The following ERAP1 variants were observed in gnomAD, a reference collection of about 807,000 sequenced individuals.
The protein encoded by ERAP1 is endoplasmic reticulum aminopeptidase 1.
A neutral mutation model predicts 103.7 loss-of-function variants in ERAP1; 86 were observed. The ratio of observed to expected loss-of-function variants is 0.83; its 90% confidence interval spans 0.70 to 0.99. The LOEUF (loss-of-function observed/expected upper bound fraction) is 0.99, where lower values mean the gene tolerates loss of function less well. Ranked by LOEUF, ERAP1 falls within the 50% of genes least tolerant of loss-of-function variation. The probability of loss-of-function intolerance (pLI) is 0.00; values close to 1 mark genes in which losing one functional copy is unlikely to be tolerated. For synonymous variants in ERAP1, 398 were observed against 402.4 expected, an observed-to-expected ratio of 0.99 and a Z score of 0.13; for missense variants, 1,009 against 1,128.4, an observed-to-expected ratio of 0.89 and a Z score of 1.52.
At chr5:96,811,125 C>T (rs1406220490), upstream of ERAP1, among the ~76,000 whole-genome samples, 2 of 152,058 alleles carry the variant, frequency 1.3e-5, no homozygotes, top group African/African-American at 4.8e-5. Context: ...AATAATAATG[C>T]CCCTCATTCT....
At chr5:96,791,537 C>G (rs571726867) in intron 8 of ERAP1, among the ~76,000 whole-genome samples, 1 of 152,182 alleles carries the variant, frequency 6.6e-6, no homozygotes, top group Non-Finnish European at 1.5e-5. Context: ...TTAGCTCCAG[C>G]TTATGCTGCA....
chr5:96,884,419 A>C, the ERAP1 span, among the ~76,000 whole-genome samples: 1 of 152,250 alleles, frequency 6.6e-6, no homozygotes, highest in Non-Finnish European at 1.5e-5. Context: ...CAAGGACCTC[A>C]GGGACCCTGC....
the ERAP1 span, among the ~76,000 whole-genome samples, chr5:96,819,777 C>G: frequency 6.6e-6 from 1 of 152,060 alleles, no homozygotes; most frequent in African/African-American, 2.4e-5. Context: ...TTCCAAGCAC[C>G]CTGCATATTC....
chr5:96,791,675 T>G (rs1051688013), intron 8 of ERAP1, among the ~76,000 whole-genome samples: 1 of 152,214 alleles, frequency 6.6e-6, no homozygotes, highest in Non-Finnish European at 1.5e-5. Context: ...AAGCACACTG[T>G]GCAAGACAAT....
At chr5:96,822,879 C>G in the ERAP1 span, 3 of 327,402 alleles carry the variant, frequency 9.2e-6, no homozygotes, top group South Asian at 2.4e-5. Flanking sequence ...TTATATGGGT[C>G]GTCTCCTTAG....
At chr5:96,912,819 A>T in the ERAP1 span, 1 of 1,574,442 alleles carries the variant, frequency 6.4e-7, no homozygotes, top group African/African-American at 1.4e-5. Flanking sequence ...TAATTTAACT[A>T]AATTGTTATA....
chr5:96,887,341 G>C, the ERAP1 span, among the ~76,000 whole-genome samples: 81,024 of 147,882 alleles, frequency 0.55, 22,272 homozygotes, highest in Admixed American at 0.6. Context: ...CACTCTGTTG[G>C]CCAGGCTGGA....
At position 96,780,502 on chromosome 5, in the gene ERAP1, A is replaced by T. The variant is rs1057403822; in HGVS notation, c.2591T>A (p.Phe864Tyr). 2 of 1,611,214 alleles carry T rather than the reference A, an allele frequency of 1.2e-6. No individual in the cohort carries two copies. The highest frequency in any genetic ancestry group is 3.3e-5 in the Admixed American group (2 of 60,014). ...GGCTATGGAAGATGAGCCAAGTTCA[A>T]ACCTAGAGAGGGAAATATTCAAAAA... The part of the protein sequence containing the change: ...RKNWNKLVQK[F>Y]ELGSSSIAHM... The change falls in exon 18 of 19, where the codon TTT (phenylalanine) becomes TAT (tyrosine). Residue 864 changes from phenylalanine to tyrosine, a missense_variant and splice_region_variant. This residue lies in a region of ERAP1 where 611 missense variants were observed against 651.7 expected (regional missense o/e 0.94). Transcript: ENST00000443439.
At chr5:96,820,277 A>G in the ERAP1 span, among the ~76,000 whole-genome samples, 1 of 152,140 alleles carries the variant, frequency 6.6e-6, no homozygotes, top group South Asian at 2.1e-4. Flanking sequence ...AGCAAACAAC[A>G]TAGCTTAAAA....
the ERAP1 span, chr5:96,900,217 AAG>A: frequency 6.2e-7 from 1 of 1,612,890 alleles, no homozygotes; most frequent in Non-Finnish European, 8.5e-7. Flanking sequence ...CACAGAGTAG[AAG>A]AGATCTGTGG....
chr5:96,932,804 C>T, the ERAP1 span, among the ~76,000 whole-genome samples: 5 of 151,868 alleles, frequency 3.3e-5, no homozygotes, highest in Non-Finnish European at 7.4e-5. Flanking sequence ...TATTTTTTTC[C>T]TGTCATGCTA....
the ERAP1 span, among the ~76,000 whole-genome samples, chr5:96,819,334 AGCT>A: frequency 6.6e-6 from 1 of 152,232 alleles, no homozygotes; most frequent in South Asian, 2.1e-4. Context: ...CCTCATGGAC[AGCT>A]GCTACCACCA....
the ERAP1 span, among the ~76,000 whole-genome samples, chr5:96,845,596 T>C: frequency 6.6e-6 from 1 of 152,224 alleles, no homozygotes; most frequent in South Asian, 2.1e-4. Context: ...GTTCTTTTGT[T>C]TGACTAATTT....
exon 20 of ERAP1, chr5:96,762,284 ATGCTAAACTTGC>A (rs772181166): frequency 2.2e-5 from 35 of 1,604,864 alleles, no homozygotes; most frequent in Non-Finnish European, 2.9e-5. Flanking sequence ...AAATTTGAAG[ATGCTAAACTTGC>A]TGCTGCCATC....
chr5:96,830,416 T>A, the ERAP1 span, among the ~76,000 whole-genome samples: 1 of 152,166 alleles, frequency 6.6e-6, no homozygotes, highest in Non-Finnish European at 1.5e-5. Flanking sequence ...TGTAGCATGG[T>A]GCACCAGGGA....
chr5:96,890,470 A>G, the ERAP1 span, among the ~76,000 whole-genome samples: 1 of 152,120 alleles, frequency 6.6e-6, no homozygotes, highest in Non-Finnish European at 1.5e-5. Flanking sequence ...TAGGCCATTG[A>G]CAGGTACTGG....
chr5:96,765,300 A>C (rs1210262139), intron 19 of ERAP1: 1 of 1,544,082 alleles, frequency 6.5e-7, no homozygotes, highest in Admixed American at 1.7e-5. Flanking sequence ...CCAGATGAGA[A>C]CAAACCAATG....
At chr5:96,889,305 G>A in the ERAP1 span, 1 of 1,613,786 alleles carries the variant, frequency 6.2e-7, no homozygotes, top group Admixed American at 1.7e-5. Flanking sequence ...CTCCAAACTG[G>A]GTATGTTCAA....
At chr5:96,925,495 A>G in the ERAP1 span, among the ~76,000 whole-genome samples, 3 of 152,172 alleles carry the variant, frequency 2.0e-5, no homozygotes, top group Non-Finnish European at 4.4e-5. Context: ...ACTGCTCCTT[A>G]TTTACCCTAG....
Sources: allele counts gnomAD v4.1 joint callset (sites outside exome capture counted in the v4.1 genomes callset), GRCh38; gene constraint gnomAD v4.1.1; regional missense constraint gnomAD v4.1.1; transcripts MANE v1.5; gene names NCBI Gene and HGNC (gene_info 2026-07-23, HGNC 2026-07-21).